MICALL2: variants seen among roughly 807,000 people sequenced by gnomAD.
MICALL2 encodes the protein MICAL-like protein 2.
A neutral mutation model predicts 91.1 loss-of-function variants in MICALL2; 111 were observed. That is an observed-to-expected ratio of 1.22 (90% CI 1.04 to 1.43). The LOEUF (loss-of-function observed/expected upper bound fraction) is 1.43, where lower values mean the gene tolerates loss of function less well. Among genes scored for constraint, MICALL2 ranks in the 40% most tolerant of loss-of-function variants. The pLI, the probability that MICALL2 is intolerant of heterozygous loss-of-function variation, is 0.00. For missense variants in MICALL2, 1,556 were observed against 1,236.0 expected (o/e 1.26, Z -3.88); for synonymous variants, 694 against 525.3 (o/e 1.32, Z -4.39).
chr7:1,435,252 C>A, intron 15 of MICALL2, 105 bp from the exon 16 acceptor site: 1 of 1,177,350 alleles, frequency 8.5e-7, no homozygotes, highest in South Asian at 1.3e-5. Flanking sequence ...TGAGTCCCGC[C>A]TGGACCCATG....
At chr7:1,437,775 C>T in intron 13 of MICALL2, 115 bp downstream of exon 13, 1 of 1,254,134 alleles carries the variant, frequency 8.0e-7, no homozygotes, top group Admixed American at 2.0e-5. Flanking sequence ...GGTCCTGGAC[C>T]TGCCGCACAG....
At chr7:1,440,216 G>A in intron 8 of MICALL2, 131 bp from the exon 9 acceptor site, 1 of 1,096,930 alleles carries the variant, frequency 9.1e-7, no homozygotes, top group Non-Finnish European at 1.3e-6. Flanking sequence ...CCACCTCCCA[G>A]CCCACTGACT....
In MICALL2 at chr7:1,448,659, C is replaced by T. The variant is rs1780701962; in HGVS notation, c.295G>A (p.Val99Met). ...TGGAAGTAGTTGTAATACTGGGACA[C>T]GTAGGTCAAGATGCTCAGCCGGTCA... ...VPDRLSILTY[V>M]SQYYNYFHGR... The change falls in exon 3 of 17, where the codon GTG becomes ATG. Residue 99 changes from valine to methionine, a missense_variant. Transcript: ENST00000297508. The T allele has an allele frequency of 4.3e-6, 7 of 1,612,646 alleles. No homozygotes were observed. The highest frequency in any genetic ancestry group is 2.7e-5 in the African/African-American group (2 of 74,944).
At chr7:1,455,019 C>A (rs867265870) in intron 1 of MICALL2, among the ~76,000 whole-genome samples, 1 of 152,196 alleles carries the variant, frequency 6.6e-6, no homozygotes, top group African/African-American at 2.4e-5. Flanking sequence ...CTCCCAAGGC[C>A]TGGCCACAAA....
At chr7:1,450,153 TG>T in intron 2 of MICALL2, 86 bp downstream of exon 2, 8 of 1,036,444 alleles carry the variant, frequency 7.7e-6, no homozygotes, top group African/African-American at 1.6e-5. Flanking sequence ...GTGCAGGGCC[TG>T]GGGGGAGTCC....
chr7:1,449,375 C>A (rs1007681824), intron 2 of MICALL2, among the ~76,000 whole-genome samples: 2 of 152,198 alleles, frequency 1.3e-5, no homozygotes. Flanking sequence ...TGGAGCGCAG[C>A]GTCAGCTCAC....
chr7:1,454,591 G>A (rs1386523903), intron 1 of MICALL2, among the ~76,000 whole-genome samples: 1 of 152,182 alleles, frequency 6.6e-6, no homozygotes, highest in South Asian at 2.1e-4. Context: ...CCCCTCCCGC[G>A]CCCGTCCTGG....
At chr7:1,437,693 C>CTCGT in intron 13 of MICALL2, 85 bp from the exon 14 acceptor site, 1 of 1,401,464 alleles carries the variant, frequency 7.1e-7, no homozygotes, top group Non-Finnish European at 9.7e-7. Flanking sequence ...GGTCCTGGAC[C>CTCGT]TGCCACACAG....
At chr7:1,442,842 C>A (rs1269711431) in intron 6 of MICALL2, among the ~76,000 whole-genome samples, 1 of 152,186 alleles carries the variant, frequency 6.6e-6, no homozygotes, top group African/African-American at 2.4e-5. Flanking sequence ...CCCCTAAACA[C>A]ACCACCCACC....
At chr7:1,438,670 C>G in intron 10 of MICALL2, 170 bp downstream of exon 10, 4 of 1,441,948 alleles carry the variant, frequency 2.8e-6, no homozygotes, top group Non-Finnish European at 3.6e-6. Flanking sequence ...CAGCTAGGGT[C>G]TCTATTCATG....
In MICALL2 at chr7:1,439,597, A is replaced by G. The variant is rs568087358; in HGVS notation, c.1966+328T>C. 345 of 267,558 alleles carry G rather than the reference A, an allele frequency of 1.3e-3. 2 individuals are homozygous for G. The highest frequency in any genetic ancestry group is 8.7e-3 in the African/African-American group (304 of 34,962). 16.6% of individuals were successfully genotyped at this position (267,558 alleles called of 1,614,324 possible). ...TGAACACTGATGTACACATGAATAC[A>G]CATGCATCACACATCACATACATGA... is the stretch of plus-strand genomic sequence containing the variant. On this transcript the variant is annotated intron_variant, in intron 9 of 16. Coordinates refer to ENST00000297508, the MANE Select transcript of MICALL2 (RefSeq NM_182924.4).
chr7:1,446,575 G>T, intron 5 of MICALL2, 138 bp downstream of exon 5: 1 of 596,936 alleles, frequency 1.7e-6, no homozygotes, highest in South Asian at 1.8e-5. Context: ...GGAGGGGGAG[G>T]GGGGAGGAGG....
In MICALL2 at chr7:1,438,166, C is replaced by A. The variant is rs947046267; in HGVS notation, c.2242G>T (p.Glu748Ter). The change falls in exon 12 of 17, where the codon GAG becomes TAG. Residue 748 changes from glutamate (E) to a stop codon, truncating the protein, a stop_gained. Coordinates refer to ENST00000297508, the MANE Select transcript of MICALL2 (RefSeq NM_182924.4). LOFTEE classifies it high-confidence loss of function. ...EEIQRQLQDI[E>*]RRLDALELRG... ...AGCTCCAGGGCGTCCAGCCGCCTCT[C>A]GATGTCCTGCAGCTGCCTCTGTATC... 6.4e-7 allele frequency: 1 copy of A among 1,566,382 alleles called. No homozygotes were observed. Among genetic ancestry groups the A allele is most frequent in the East Asian group, 2.4e-5 (1 of 42,452 alleles).
rs892542104 is a variant in MICALL2, at chr7:1,439,129, G to A, written c.1967-134C>T. On this transcript the variant is annotated intron_variant, in intron 9 of 16. Coordinates refer to ENST00000297508, the MANE Select transcript of MICALL2 (RefSeq NM_182924.4). ...GCCCTGGGCCTCCCGACTGGCACAGGGTTGGCATCACAAGCCCTACACCCA... is the reference window on the plus strand; with the variant it reads ...GCCCTGGGCCTCCCGACTGGCACAGAGTTGGCATCACAAGCCCTACACCCA... 1.9e-5 allele frequency: 14 copies of A among 723,624 alleles called. No individual in the cohort carries two copies. The East Asian group carries it at 2.5e-4, about 13-fold the overall frequency. The allele number at this position is 723,624 out of a possible 1,614,324, so 44.8% of individuals were successfully genotyped here. A position where few individuals can be genotyped will look rare whatever the true frequency, so the allele number is the denominator to read the frequency against.
At chr7:1,456,786 G>C (rs1781035568) in intron 1 of MICALL2, among the ~76,000 whole-genome samples, 1 of 151,992 alleles carries the variant, frequency 6.6e-6, no homozygotes, top group South Asian at 2.1e-4. Context: ...TAAAAGCAAA[G>C]GGCCCAGGCA....
In MICALL2 at chr7:1,438,976, G is replaced by A. The variant is rs767386686; in HGVS notation, c.1986C>T (p.Pro662=). 1.5e-5 allele frequency: 24 copies of A among 1,596,108 alleles called. No individual in the cohort carries two copies. Among genetic ancestry groups the A allele is most frequent in the Admixed American group, 5.0e-5 (3 of 59,864 alleles). Residue 662 remains proline (P), a synonymous_variant, in exon 10 of 17, where the codon CCC becomes CCT. Transcript: ENST00000297508. ...PSLPARSPSP[P]RRRRLAVPAS... ...CAGGGACGGCCAGTCTCCTGCGGCG[G>A]GGTGGGGAGGGGGACCTGGCTGCCC... is the stretch of plus-strand genomic sequence containing the variant.
intron 1 of MICALL2, 71 bp from the exon 2 acceptor site, chr7:1,450,359 G>T: frequency 7.6e-7 from 1 of 1,312,364 alleles, no homozygotes; most frequent in Non-Finnish European, 1.1e-6. Flanking sequence ...GGCCTCAGAG[G>T]TCATCTTGCC....
At position 1,438,950 on chromosome 7, in the gene MICALL2, G is replaced by C. The variant is rs369224668; in HGVS notation, c.2012C>G (p.Ala671Gly). The C allele has an allele frequency of 2.5e-6, 4 of 1,603,726 alleles. No individual in the cohort carries two copies. The highest frequency in any genetic ancestry group is 3.4e-6 in the Non-Finnish European group (4 of 1,179,354). ...CCAGTTGTCACAAACGTCGAGGCTG[G>C]CAGGGACGGCCAGTCTCCTGCGGCG... ...PPRRRRLAVPASLDVCDNWLR... is the reference protein window; with the variant it reads ...PPRRRRLAVPGSLDVCDNWLR... The change falls in exon 10 of 17, where the codon GCC becomes GGC. Residue 671 changes from alanine (A) to glycine (G), a missense_variant. Physicochemically the swap from Ala to Gly is moderately conservative, Grantham distance 60. Coordinates refer to ENST00000297508, the MANE Select transcript of MICALL2 (RefSeq NM_182924.4).
At chr7:1,448,436 G>C (rs1347043842) in intron 3 of MICALL2, among the ~76,000 whole-genome samples, 184 bp downstream of exon 3, 2 of 151,998 alleles carry the variant, frequency 1.3e-5, no homozygotes, top group Non-Finnish European at 2.9e-5. Context: ...CCGGGGTTGG[G>C]GATGGGGCGC....
Sources: gnomAD v4.1 joint callset for allele counts (sites outside exome capture counted in the v4.1 genomes callset) on GRCh38, gnomAD v4.1.1 for gene constraint, MANE v1.5 for transcripts, NCBI Gene and HGNC (gene_info 2026-07-23, HGNC 2026-07-21) for gene names.